MICAL3: variants seen among roughly 807,000 people sequenced by gnomAD.
The protein encoded by MICAL3 is [F-actin]-monooxygenase MICAL3.
Under a neutral mutation model 207.4 loss-of-function variants are expected in MICAL3, and 62 were observed. The observed-to-expected ratio is 0.30, with a 90% CI of 0.24 to 0.37. MICAL3 has a LOEUF of 0.37. MICAL3 is among the 10% of genes least tolerant of loss of function. The pLI, the probability that MICAL3 is intolerant of heterozygous loss-of-function variation, is 1.00. For missense variants in MICAL3, 2,368 were observed against 2,635.6 expected (o/e 0.90, Z 2.22); for synonymous variants, 1,077 against 1,069.3 (o/e 1.01, Z -0.14).
intron 1 of MICAL3, among the ~76,000 whole-genome samples, chr22:17,922,749 C>T (rs557833753): frequency 5.3e-5 from 8 of 152,144 alleles, no homozygotes; most frequent in Non-Finnish European, 8.8e-5. Context: ...AATAAGGTAG[C>T]TGTGCATGCT....
At chr22:17,887,681 C>T (rs1200894325) in intron 13 of MICAL3, among the ~76,000 whole-genome samples, 3 of 152,218 alleles carry the variant, frequency 2.0e-5, no homozygotes, top group East Asian at 3.8e-4. Flanking sequence ...CAATCTACTA[C>T]AGTTACCAAA....
chr22:17,885,801 C>G lies in MICAL3; in HGVS notation c.2241+77G>C, dbSNP rs116383474. 1.8e-3 allele frequency: 2,626 copies of G among 1,479,034 alleles called. 33 individuals are homozygous for G. In the African/African-American group the frequency reaches 0.032, roughly 18 times the overall value. The allele number at this position is 1,479,034 out of a possible 1,614,324, so 91.6% of individuals were successfully genotyped here. ...CGCTGGGGTCTGTGACACAGCCCAT[C>G]TCAATGGATGGAAAAGATCCCCCCT... On this transcript the variant is annotated intron_variant, in intron 16 of 31. Transcript: ENST00000441493.
chr22:17,799,156 G>A (rs998315469), intron 29 of MICAL3, among the ~76,000 whole-genome samples: 5 of 152,162 alleles, frequency 3.3e-5, no homozygotes, highest in African/African-American at 4.8e-5. Flanking sequence ...GCCGAGACAG[G>A]TGGATCACTT....
chr22:17,798,801 G>A (rs918240166), intron 29 of MICAL3, among the ~76,000 whole-genome samples: 5 of 151,264 alleles, frequency 3.3e-5, no homozygotes, highest in Non-Finnish European at 5.9e-5. Flanking sequence ...AGCCTCCTGA[G>A]TAGCTGGGAC....
chr22:17,862,878 T>C (rs1926669022), intron 19 of MICAL3: 1 of 985,396 alleles, frequency 1.0e-6, no homozygotes, highest in Non-Finnish European at 1.2e-6. Context: ...TGTCATTAAC[T>C]GTAAAGGTCC....
chr22:17,989,760 G>A (rs1921455043), intron 1 of MICAL3, among the ~76,000 whole-genome samples: 2 of 152,206 alleles, frequency 1.3e-5, no homozygotes, highest in African/African-American at 4.8e-5. Flanking sequence ...GTCCTCATCT[G>A]TAAAGAGGGA....
chr22:17,820,111 C>A (rs1921407545), intron 25 of MICAL3, among the ~76,000 whole-genome samples: 1 of 149,810 alleles, frequency 6.7e-6, no homozygotes, highest in African/African-American at 2.5e-5. Context: ...ATTGCCCATG[C>A]CAGTCTGGGC....
Position 17,790,796 on chromosome 22 carries a change from C to G in MICAL3, c.5945G>C (p.Arg1982Thr). ...AGCCTCCAGGTCCTTGTCCTCCTCT[C>G]TCTCCCGGAGCCGCTGCTCCTCCAG... ...ALLEEQRLRE[R>T]EEDKDLEAAM... The change falls in exon 32 of 32, where the codon AGA becomes ACA. Residue 1982 changes from arginine (R) to threonine (T), a missense_variant. Transcript: ENST00000441493. 2 of 1,613,334 alleles carry G rather than the reference C, an allele frequency of 1.2e-6. No homozygotes were observed. The highest frequency in any genetic ancestry group is 1.7e-6 in the Non-Finnish European group (2 of 1,179,706).
rs1931739760 is a variant in MICAL3 at position 17,906,608 on chromosome 22, A to G, written c.205T>C (p.Leu69=). The G allele has an allele frequency of 1.9e-6, 3 of 1,613,802 alleles. No individual in the cohort carries two copies. The highest frequency in any genetic ancestry group is 2.2e-5 in the East Asian group (1 of 44,874). The stretch of plus-strand genomic sequence containing the variant: ...TCTTTGTGACTGCCCCGTTTGTCCA[A>G]TTTTGCCCAGAGGGCTTTGGCTTTC... ...YWKAKALWAK[L]DKRGSHKDYK... is the part of the protein sequence containing the mutation. The change falls in exon 2 of 32, where the codon TTG becomes CTG. Residue 69 remains leucine (L), a synonymous_variant. Coordinates refer to ENST00000441493, the MANE Select transcript of MICAL3 (RefSeq NM_015241.3).
rs1190873136 is a variant in MICAL3 at position 17,790,978 on chromosome 22, G to A, written c.5824+20C>T. 6.2e-7 allele frequency: 1 copy of A among 1,612,794 alleles called. No homozygotes were observed. The highest frequency in any genetic ancestry group is 8.5e-7 in the Non-Finnish European group (1 of 1,179,810). ...AGGTGGCACCCACCCTGGCCTCCAT[G>A]GGTGCCTTACCCCACTCACCTTCCA... is the stretch of plus-strand genomic sequence containing the variant. On this transcript the variant is annotated intron_variant, in intron 31 of 31. Transcript: ENST00000441493.
chr22:17,949,763 C>T (rs555980129), intron 1 of MICAL3, among the ~76,000 whole-genome samples: 6 of 152,314 alleles, frequency 3.9e-5, no homozygotes, highest in East Asian at 3.9e-4. Context: ...AAGCAGAGGA[C>T]GAAACAGCCA....
chr22:17,923,909 ACT>A (rs1932854318), intron 1 of MICAL3, among the ~76,000 whole-genome samples: 2 of 152,154 alleles, frequency 1.3e-5, no homozygotes, highest in Admixed American at 1.3e-4. Flanking sequence ...GGTTTAATTG[ACT>A]CACAGTTCAG....
intron 1 of MICAL3, among the ~76,000 whole-genome samples, chr22:17,929,725 G>A (rs893931582): frequency 2.8e-4 from 42 of 151,824 alleles, no homozygotes; most frequent in African/African-American, 8.2e-4. Context: ...CCGCCACCAC[G>A]CCTGGCTAAT....
chr22:17,893,799 A>G lies in MICAL3; in HGVS notation c.1546+9T>C, dbSNP rs1284522953. Reference sequence around the variant, plus strand: ...GCCTGCATTTTAAAAAGCCACCACCAGAACTCACCATTGCGAGTCAATTTG... The same window carrying G: ...GCCTGCATTTTAAAAAGCCACCACCGGAACTCACCATTGCGAGTCAATTTG... On this transcript the variant is annotated intron_variant, in intron 11 of 31. Coordinates refer to ENST00000441493, the MANE Select transcript of MICAL3 (RefSeq NM_015241.3). 1.3e-6 allele frequency: 2 copies of G among 1,554,550 alleles called. No individual in the cohort carries two copies. The highest frequency in any genetic ancestry group is 8.7e-7 in the Non-Finnish European group (1 of 1,144,900).
At position 17,827,628 on chromosome 22, in the gene MICAL3, G is replaced by A. The variant is rs929924289; in HGVS notation, c.3193+16C>T. On this transcript the variant is annotated intron_variant, in intron 22 of 31. Coordinates refer to ENST00000441493, the MANE Select transcript of MICAL3 (RefSeq NM_015241.3). ...GTGCTCGGGGCACACTGCGGCCTGG[G>A]GCTGGGAGTGTTTACCTCCGGAAGC... is the stretch of plus-strand genomic sequence containing the variant. 11 of 1,552,470 alleles carry A rather than the reference G, an allele frequency of 7.1e-6. No individual in the cohort carries two copies. Among genetic ancestry groups the A allele is most frequent in the Non-Finnish European group, 8.7e-6 (10 of 1,148,344 alleles).
intron 1 of MICAL3, among the ~76,000 whole-genome samples, chr22:17,918,918 C>T (rs146631432): frequency 6.6e-6 from 1 of 152,314 alleles, no homozygotes; most frequent in East Asian, 1.9e-4. Context: ...TTCCAGGGCA[C>T]GAGCCTTCTA....
chr22:18,021,295 C>A (rs954684635), intron 1 of MICAL3, among the ~76,000 whole-genome samples: 3 of 152,246 alleles, frequency 2.0e-5, no homozygotes, highest in African/African-American at 7.2e-5. Context: ...CTGGCCTGCC[C>A]TGTCTCGTGA....
chr22:17,899,270 G>T, intron 7 of MICAL3, 178 bp downstream of exon 7: 10 of 670,494 alleles, frequency 1.5e-5, no homozygotes, highest in East Asian at 2.9e-5. Flanking sequence ...ATTTACATTT[G>T]AAATTAGCCA....
chr22:18,006,847 A>AC (rs1569165437), intron 1 of MICAL3, among the ~76,000 whole-genome samples: 3 of 152,074 alleles, frequency 2.0e-5, no homozygotes, highest in African/African-American at 7.3e-5. Flanking sequence ...CACACACACA[A>AC]AAAAATTCTG....
Sources: gnomAD v4.1 joint callset for allele counts (sites outside exome capture counted in the v4.1 genomes callset) on GRCh38, gnomAD v4.1.1 for gene constraint, MANE v1.5 for transcripts, NCBI Gene and HGNC (gene_info 2026-07-23, HGNC 2026-07-21) for gene names.